KHDRBS2: variants seen among roughly 807,000 people sequenced by gnomAD.
The protein encoded by KHDRBS2 is KH RNA binding domain containing, signal transduction associated 2.
In KHDRBS2, 26 loss-of-function variants were observed where a neutral mutation model predicts 44.3. The observed-to-expected ratio is 0.59, with a 90% CI of 0.43 to 0.81. KHDRBS2 has a LOEUF of 0.81. KHDRBS2 is among the 40% of genes least tolerant of loss of function. The pLI, the probability that KHDRBS2 is intolerant of heterozygous loss-of-function variation, is 0.00. For synonymous variants in KHDRBS2, 194 were observed against 151.1 expected (o/e 1.28, Z -2.08); for missense variants, 476 against 433.1 (o/e 1.10, Z -0.88).
chr6:61,612,776 A>C, the KHDRBS2 span, among the ~76,000 whole-genome samples: 897 of 151,002 alleles, frequency 5.9e-3, 4 homozygotes, highest in Non-Finnish European at 9.4e-3. Context: ...TAAATATTAC[A>C]GCTGCACACC....
chr6:62,130,836 G>A (rs1349087699), intron 2 of KHDRBS2, among the ~76,000 whole-genome samples: 1 of 151,956 alleles, frequency 6.6e-6, no homozygotes, highest in Non-Finnish European at 1.5e-5. Context: ...CTCATGCAAT[G>A]TATTAAATAC....
chr6:61,807,698 G>GA (rs1177969290), intron 6 of KHDRBS2, among the ~76,000 whole-genome samples: 2 of 151,818 alleles, frequency 1.3e-5, no homozygotes, highest in African/African-American at 4.8e-5. Flanking sequence ...GAGAGGATCA[G>GA]AAAAAAATTT....
At chr6:61,617,545 G>C in the KHDRBS2 span, among the ~76,000 whole-genome samples, 1 of 152,202 alleles carries the variant, frequency 6.6e-6, no homozygotes, top group Middle Eastern at 3.4e-3. Flanking sequence ...GTTAGGCAGT[G>C]AGGGTATGTG....
At chr6:61,902,013 T>A (rs1280515725) in intron 4 of KHDRBS2, among the ~76,000 whole-genome samples, 2 of 152,216 alleles carry the variant, frequency 1.3e-5, no homozygotes, top group Non-Finnish European at 2.9e-5. Context: ...TGGAGTACAG[T>A]GGCATGATCT....
chr6:61,810,824 G>A (rs1788003541), intron 6 of KHDRBS2, among the ~76,000 whole-genome samples: 1 of 151,958 alleles, frequency 6.6e-6, no homozygotes, highest in South Asian at 2.1e-4. Context: ...TGAATGAGTG[G>A]GCTCTTTTGG....
At chr6:62,253,711 C>A (rs1372677197) in intron 1 of KHDRBS2, among the ~76,000 whole-genome samples, 1 of 151,934 alleles carries the variant, frequency 6.6e-6, no homozygotes, top group African/African-American at 2.4e-5. Flanking sequence ...ATAATTATTA[C>A]AATAACAGCC....
At chr6:62,158,046 G>A (rs10806583) in intron 2 of KHDRBS2, among the ~76,000 whole-genome samples, 85,503 of 152,018 alleles carry the variant, frequency 0.56, 24,631 homozygotes, top group Non-Finnish European at 0.62. Context: ...ATAGTAAGCA[G>A]TCAGCAAATC....
chr6:61,706,428 G>A (rs1769565163), intron 7 of KHDRBS2, among the ~76,000 whole-genome samples: 1 of 151,766 alleles, frequency 6.6e-6, no homozygotes, highest in African/African-American at 2.4e-5. Context: ...GCTCCTAAGT[G>A]ATAAGGAAAA....
intron 6 of KHDRBS2, among the ~76,000 whole-genome samples, chr6:61,822,193 C>T (rs1358058136): frequency 1.3e-5 from 2 of 151,918 alleles, no homozygotes; most frequent in Non-Finnish European, 2.9e-5. Context: ...CTAGGCTAAC[C>T]TATAGGTACC....
intron 1 of KHDRBS2, among the ~76,000 whole-genome samples, chr6:62,183,835 G>T (rs550935494): frequency 6.6e-6 from 1 of 151,710 alleles, no homozygotes; most frequent in South Asian, 2.1e-4. Context: ...TTCAATGAGA[G>T]GTTGTAAAAC....
At chr6:61,894,374 C>T (rs1802527934) in intron 6 of KHDRBS2, among the ~76,000 whole-genome samples, 1 of 152,112 alleles carries the variant, frequency 6.6e-6, no homozygotes, top group Admixed American at 6.6e-5. Flanking sequence ...CATTTGAAAT[C>T]TGATCAAACT....
At chr6:62,000,311 T>G (rs1223253974) in intron 3 of KHDRBS2, among the ~76,000 whole-genome samples, 3 of 152,166 alleles carry the variant, frequency 2.0e-5, no homozygotes, top group African/African-American at 7.2e-5. Flanking sequence ...CACTAATTGA[T>G]CTCAATTTTT....
chr6:61,943,078 G>T (rs1182583038), intron 4 of KHDRBS2, among the ~76,000 whole-genome samples: 3 of 132,612 alleles, frequency 2.3e-5, no homozygotes, highest in Non-Finnish European at 5.0e-5. Flanking sequence ...GGAAAGAAAA[G>T]AAAAAAGGAA....
chr6:62,232,205 T>C (rs572822619), intron 1 of KHDRBS2, among the ~76,000 whole-genome samples: 1 of 152,290 alleles, frequency 6.6e-6, no homozygotes, highest in African/African-American at 2.4e-5. Flanking sequence ...TGTAATATGA[T>C]ATTATGTTAG....
At chr6:61,557,773 C>G in the KHDRBS2 span, among the ~76,000 whole-genome samples, 1 of 152,082 alleles carries the variant, frequency 6.6e-6, no homozygotes, top group Admixed American at 6.6e-5. Flanking sequence ...GGGTCCTGGG[C>G]TTTCCTTTGC....
chr6:61,944,434 T>C (rs746171113), intron 4 of KHDRBS2, among the ~76,000 whole-genome samples: 1 of 151,402 alleles, frequency 6.6e-6, no homozygotes, highest in Non-Finnish European at 1.5e-5. Flanking sequence ...TGCATGCATA[T>C]GTGCAAGGTA....
intron 1 of KHDRBS2, among the ~76,000 whole-genome samples, chr6:62,275,209 A>G (rs1420840499): frequency 6.6e-6 from 1 of 152,180 alleles, no homozygotes; most frequent in African/African-American, 2.4e-5. Flanking sequence ...CAGTAATTTC[A>G]GAAGACTAGC....
At chr6:61,926,271 G>A (rs1808958097) in intron 4 of KHDRBS2, among the ~76,000 whole-genome samples, 2 of 152,112 alleles carry the variant, frequency 1.3e-5, no homozygotes, top group African/African-American at 2.4e-5. Context: ...GATGAGTGGT[G>A]TATAGGACTG....
At chr6:61,786,582 T>A (rs1160380354) in intron 6 of KHDRBS2, among the ~76,000 whole-genome samples, 1 of 152,020 alleles carries the variant, frequency 6.6e-6, no homozygotes, top group Non-Finnish European at 1.5e-5. Context: ...AACTATGGAA[T>A]CTGAAGTGAT....
Sources: allele counts gnomAD v4.1 joint callset (sites outside exome capture counted in the v4.1 genomes callset), GRCh38; gene constraint gnomAD v4.1.1; transcripts MANE v1.5; gene names NCBI Gene and HGNC (gene_info 2026-07-23, HGNC 2026-07-21).